IQGAP1: variants seen among roughly 807,000 people sequenced by gnomAD.
The protein encoded by IQGAP1 is ras GTPase-activating-like protein IQGAP1.
IQGAP1 carries 66 observed loss-of-function variants against 215.6 expected under a neutral mutation model. The observed-to-expected ratio is 0.31, with a 90% CI of 0.25 to 0.38. IQGAP1 has a LOEUF of 0.38. Among genes scored for constraint, IQGAP1 ranks in the 10% least tolerant of loss-of-function variants. IQGAP1 has a pLI of 1.00. For missense variants in IQGAP1, 1,712 were observed against 1,997.1 expected (o/e 0.86, Z 2.72); for synonymous variants, 772 against 728.7 (o/e 1.06, Z -0.96).
intron 6 of IQGAP1, among the ~76,000 whole-genome samples, chr15:90,440,126 G>A (rs998089816): frequency 6.6e-6 from 1 of 152,186 alleles, no homozygotes; most frequent in Admixed American, 6.5e-5. Flanking sequence ...TTGTTGAATA[G>A]CAGCTAATGA....
In IQGAP1 at chr15:90,496,017, C is replaced by T. The variant is rs142409248; in HGVS notation, c.4751+1182C>T. ...CTACCTCTATTTGCCTTTCTGTCTT[C>T]TTTTTAATTTGCTCCTATGGGCTTA... On this transcript the variant is annotated intron_variant, in intron 36 of 37. Coordinates refer to ENST00000268182, the MANE Select transcript of IQGAP1 (RefSeq NM_003870.4). Among the ~76,000 whole-genome samples, 1,411 of 151,206 alleles carry T rather than the reference C, an allele frequency of 9.3e-3. 25 individuals carry two copies. The highest frequency in any genetic ancestry group is 0.033 in the African/African-American group (1,347 of 41,332).
At chr15:90,499,911 C>G in intron 37 of IQGAP1, 84 bp from the exon 38 acceptor site, 1 of 897,026 alleles carries the variant, frequency 1.1e-6, no homozygotes, top group African/African-American at 1.7e-5. Flanking sequence ...GGATCCCTCC[C>G]TACATTGTGT....
rs767538173 is a variant in IQGAP1 at position 90,426,164 on chromosome 15, G to T, written c.210G>T (p.Glu70Asp). 9 of 1,603,982 alleles carry T rather than the reference G, an allele frequency of 5.6e-6. No individual in the cohort carries two copies. In the African/African-American group the frequency reaches 8.1e-5, roughly 14 times the overall value. The change falls in exon 3 of 38, where the codon GAG (glutamate) becomes GAT (aspartate). Residue 70 changes from glutamate to aspartate, a missense_variant. Coordinates refer to ENST00000268182, the MANE Select transcript of IQGAP1 (RefSeq NM_003870.4). ...TGCCTCCCACCACAGAACTGGAGGA[G>T]GGGCTTAGGAATGGGGTCTACCTTG... ...EDLPPTTELE[E>D]GLRNGVYLAK... is the part of the protein sequence containing the mutation.
chr15:90,392,749 T>C (rs1964652842), intron 2 of IQGAP1, among the ~76,000 whole-genome samples: 2 of 39,132 alleles, frequency 5.1e-5, no homozygotes, highest in East Asian at 2.7e-3. Flanking sequence ...TGTTTCTATC[T>C]TTTTTTTTTT....
At chr15:90,487,660 G>C in intron 33 of IQGAP1, 78 bp downstream of exon 33, 2 of 966,324 alleles carry the variant, frequency 2.1e-6, no homozygotes, top group Non-Finnish European at 3.2e-6. Flanking sequence ...GAAAGGAGGG[G>C]AGACACAAAT....
chr15:90,396,318 G>A (rs537707602), intron 2 of IQGAP1, among the ~76,000 whole-genome samples: 5 of 152,240 alleles, frequency 3.3e-5, no homozygotes, highest in Non-Finnish European at 7.4e-5. Context: ...CATTTAAGAA[G>A]CAAGAAAACA....
At chr15:90,396,519 G>T (rs143076742) in intron 2 of IQGAP1, among the ~76,000 whole-genome samples, 2 of 152,110 alleles carry the variant, frequency 1.3e-5, no homozygotes, top group Non-Finnish European at 2.9e-5. Flanking sequence ...ATGTAGCTGC[G>T]TAATGGCACG....
chr15:90,466,819 C>T (rs927747978), intron 17 of IQGAP1, among the ~76,000 whole-genome samples: 15 of 152,156 alleles, frequency 9.9e-5, no homozygotes, highest in Non-Finnish European at 1.8e-4. Context: ...GGGCCGGGTG[C>T]GGTGGCACAC....
intron 36 of IQGAP1, 44 bp downstream of exon 36, chr15:90,494,879 C>G (rs1966251417): frequency 7.0e-7 from 1 of 1,438,106 alleles, no homozygotes; most frequent in South Asian, 1.2e-5. Flanking sequence ...TTTATTTCTA[C>G]ATTTATCACA....
intron 5 of IQGAP1, among the ~76,000 whole-genome samples, chr15:90,437,931 A>G (rs1345238021): frequency 1.3e-5 from 2 of 152,206 alleles, no homozygotes; most frequent in Non-Finnish European, 2.9e-5. Flanking sequence ...GCATTTAATC[A>G]TATACACATG....
intron 37 of IQGAP1, among the ~76,000 whole-genome samples, chr15:90,498,273 T>C (rs1240606357): frequency 6.6e-6 from 1 of 151,904 alleles, no homozygotes; most frequent in Non-Finnish European, 1.5e-5. Flanking sequence ...TCCTTCTCAA[T>C]GACCAGTAGA....
intron 26 of IQGAP1, among the ~76,000 whole-genome samples, chr15:90,479,956 A>C (rs541490680): frequency 6.6e-6 from 1 of 152,090 alleles, no homozygotes; most frequent in African/African-American, 2.4e-5. Context: ...CCCCATGTAC[A>C]CTGGCTCCGG....
intron 15 of IQGAP1, among the ~76,000 whole-genome samples, chr15:90,462,892 G>C (rs1965782764): frequency 6.6e-6 from 1 of 152,126 alleles, no homozygotes; most frequent in Non-Finnish European, 1.5e-5. Context: ...CAGCAAATCT[G>C]TTTTCTCTCC....
intron 3 of IQGAP1, among the ~76,000 whole-genome samples, chr15:90,428,100 C>G (rs1965251181): frequency 6.6e-6 from 1 of 152,058 alleles, no homozygotes. Flanking sequence ...GAGACAGGGA[C>G]TTGCTGTGTC....
chr15:90,485,335 G>A (rs1411233337), intron 30 of IQGAP1, among the ~76,000 whole-genome samples: 3 of 152,188 alleles, frequency 2.0e-5, no homozygotes, highest in Non-Finnish European at 4.4e-5. Context: ...GAAACATTAA[G>A]TAAAAGCGTG....
At chr15:90,479,669 A>G (rs1461133718) in intron 26 of IQGAP1, among the ~76,000 whole-genome samples, 4 of 151,694 alleles carry the variant, frequency 2.6e-5, no homozygotes, top group Non-Finnish European at 5.9e-5. Context: ...TAGGTTGAGC[A>G]TGGGAGGTTG....
intron 19 of IQGAP1, 31 bp from the exon 20 acceptor site, chr15:90,473,684 A>G (rs769435445): frequency 2.7e-6 from 4 of 1,482,676 alleles, no homozygotes; most frequent in East Asian, 2.3e-5. Flanking sequence ...TTGGGAAGTA[A>G]TATGTCTTCT....
chr15:90,482,665 T>C (rs1966075995), intron 28 of IQGAP1: 1 of 869,182 alleles, frequency 1.2e-6, no homozygotes, highest in Admixed American at 5.1e-5. Flanking sequence ...TTTTCTTTTT[T>C]TTTTTAATCT....
chr15:90,411,824 A>C (rs2151007634), intron 2 of IQGAP1, among the ~76,000 whole-genome samples: 1 of 152,338 alleles, frequency 6.6e-6, no homozygotes, highest in Admixed American at 6.5e-5. Flanking sequence ...TAGACAGCTG[A>C]CCATGGTAAT....
Sources: allele counts gnomAD v4.1 joint callset (sites outside exome capture counted in the v4.1 genomes callset), GRCh38; gene constraint gnomAD v4.1.1; transcripts MANE v1.5; gene names NCBI Gene and HGNC (gene_info 2026-07-23, HGNC 2026-07-21).